Variants in BRI3 observed in about 807,000 individuals in gnomAD.
The protein encoded by BRI3 is membrane protein BRI3.
A neutral mutation model predicts 12.8 loss-of-function variants in BRI3; 6 were observed. That is an observed-to-expected ratio of 0.47 (90% CI 0.26 to 0.93). The LOEUF (loss-of-function observed/expected upper bound fraction) is 0.93, where lower values mean the gene tolerates loss of function less well. Ranked by LOEUF, BRI3 falls within the 40% of genes least tolerant of loss-of-function variation. The pLI is 0.15. For missense variants in BRI3, 134 were observed against 171.1 expected, an observed-to-expected ratio of 0.78 and a Z score of 1.21; for synonymous variants, 91 against 76.1, an observed-to-expected ratio of 1.20 and a Z score of -1.02.
chr7:98,306,426 C>T (rs764973996), upstream of BRI3: 36 of 1,613,946 alleles, frequency 2.2e-5, no homozygotes, highest in South Asian at 2.9e-4. Context: ...AGCTCAGCCA[C>T]GTTCAGGGCT....
intron 2 of BRI3, among the ~76,000 whole-genome samples, chr7:98,284,973 G>A (rs1182516816): frequency 2.0e-5 from 3 of 152,180 alleles, no homozygotes; most frequent in African/African-American, 4.8e-5. Context: ...CTAGGTGCAG[G>A]ATGAGGTAGC....
intron 1 of BRI3, among the ~76,000 whole-genome samples, chr7:98,298,588 G>A (rs1420248204): frequency 6.6e-6 from 1 of 152,030 alleles, no homozygotes; most frequent in Non-Finnish European, 1.5e-5. Flanking sequence ...ACTCCAGCCT[G>A]GGTGACAGAG....
At chr7:98,318,601 C>G in the BRI3 span, among the ~76,000 whole-genome samples, 4 of 151,974 alleles carry the variant, frequency 2.6e-5, no homozygotes, top group East Asian at 7.8e-4. Flanking sequence ...TAAACGGACC[C>G]GCGTCAGAAT....
chr7:98,315,620 A>C, the BRI3 span: 1 of 1,085,150 alleles, frequency 9.2e-7, no homozygotes, highest in Non-Finnish European at 1.2e-6. Context: ...ATACTAAAAA[A>C]AAAAAAATAA....
the BRI3 span, among the ~76,000 whole-genome samples, chr7:98,317,979 G>T: frequency 6.7e-6 from 1 of 150,032 alleles, no homozygotes; most frequent in Non-Finnish European, 1.5e-5. Context: ...CCTTACGCTG[G>T]CTGGGACCCT....
intron 1 of BRI3, chr7:98,306,779 C>A (rs760866052): frequency 1.9e-4 from 88 of 463,398 alleles, no homozygotes; most frequent in Non-Finnish European, 3.1e-4. Context: ...GCGATCATAG[C>A]TCACAGCAGC....
chr7:98,289,055 G>C (rs1226884784), intron 2 of BRI3, among the ~76,000 whole-genome samples: 2 of 152,122 alleles, frequency 1.3e-5, no homozygotes, highest in Admixed American at 6.5e-5. Flanking sequence ...CTGCCTCCCA[G>C]GTTCAAGCAA....
At chr7:98,323,152 G>C in the BRI3 span, 1 of 152,206 alleles carries the variant, frequency 6.6e-6, no homozygotes, top group African/African-American at 2.4e-5. Context: ...CTTCCAGAAC[G>C]GGGCATGAGA....
At chr7:98,294,038 TCA>T (rs760454552), downstream of BRI3, 39 of 1,609,684 alleles carry the variant, frequency 2.4e-5, no homozygotes, top group South Asian at 4.2e-4. Flanking sequence ...AAGAGCAATG[TCA>T]CACACTGAGG....
chr7:98,294,041 C>T (rs1278292595), downstream of BRI3: 1 of 1,611,096 alleles, frequency 6.2e-7, no homozygotes, highest in Non-Finnish European at 8.5e-7. Context: ...AGCAATGTCA[C>T]ACACTGAGGC....
At chr7:98,298,516 G>C (rs1048773918) in intron 1 of BRI3, among the ~76,000 whole-genome samples, 38 of 152,134 alleles carry the variant, frequency 2.5e-4, no homozygotes, top group African/African-American at 8.2e-4. Flanking sequence ...GGGAGGCTGA[G>C]GCAGGAGAAT....
upstream of BRI3, among the ~76,000 whole-genome samples, chr7:98,304,960 G>A (rs1800585666): frequency 6.7e-6 from 1 of 150,324 alleles, no homozygotes; most frequent in African/African-American, 2.4e-5. Flanking sequence ...CCGCCTCCCT[G>A]GTTCAAGTGA....
At chr7:98,288,378 G>A (rs1281317343) in intron 2 of BRI3, among the ~76,000 whole-genome samples, 2 of 152,098 alleles carry the variant, frequency 1.3e-5, no homozygotes, top group Non-Finnish European at 1.5e-5. Context: ...GCTGCAGTCG[G>A]CAGGGCTGGG....
chr7:98,320,843 CAT>C, the BRI3 span, among the ~76,000 whole-genome samples: 13 of 141,950 alleles, frequency 9.2e-5, no homozygotes, highest in African/African-American at 3.2e-4. Flanking sequence ...TTCAAATTCA[CAT>C]GAGTCTTTCT....
chr7:98,282,080 C>T (rs1799536487), intron 1 of BRI3, 143 bp downstream of exon 1: 1 of 1,181,336 alleles, frequency 8.5e-7, no homozygotes, highest in Non-Finnish European at 1.1e-6. Context: ...GGACCCGGCG[C>T]CGCCGAGGGC....
At chr7:98,284,704 C>G (rs965918971) in intron 2 of BRI3, among the ~76,000 whole-genome samples, 1 of 152,246 alleles carries the variant, frequency 6.6e-6, no homozygotes, top group Non-Finnish European at 1.5e-5. Flanking sequence ...CAGAGAAGCC[C>G]GTGTCCCTTG....
the BRI3 span, among the ~76,000 whole-genome samples, chr7:98,318,481 C>T: frequency 6.6e-6 from 1 of 151,936 alleles, no homozygotes; most frequent in Non-Finnish European, 1.5e-5. Flanking sequence ...CAGGTTTCAC[C>T]ATGTCAGCCA....
chr7:98,304,118 G>A (rs1161225597), upstream of BRI3: 23 of 1,410,814 alleles, frequency 1.6e-5, no homozygotes, highest in East Asian at 2.5e-5. Flanking sequence ...AGAGCAAGGC[G>A]GTCACCACAG....
At chr7:98,292,490 A>G (rs868143870), downstream of BRI3, 4 of 745,486 alleles carry the variant, frequency 5.4e-6, 1 homozygote, top group Middle Eastern at 1.5e-3. Flanking sequence ...ATGACTCTCC[A>G]CTCCAAAATA....
Sources: allele counts gnomAD v4.1 joint callset (sites outside exome capture counted in the v4.1 genomes callset), GRCh38; gene constraint gnomAD v4.1.1; transcripts MANE v1.5; gene names NCBI Gene and HGNC (gene_info 2026-07-23, HGNC 2026-07-21).